ARNT2: variants seen among roughly 807,000 people sequenced by gnomAD.
The protein encoded by ARNT2 is aryl hydrocarbon receptor nuclear translocator 2, also known as ARNT protein 2.
ARNT2 carries 36 observed loss-of-function variants against 91.7 expected under a neutral mutation model. That is an observed-to-expected ratio of 0.39 (90% CI 0.30 to 0.52). The LOEUF is 0.52. Ranked by LOEUF, ARNT2 falls within the 20% of genes least tolerant of loss-of-function variation. The probability of loss-of-function intolerance (pLI) is 0.72; values close to 1 mark genes in which losing one functional copy is unlikely to be tolerated. For missense variants in ARNT2, 775 were observed against 939.3 expected (o/e 0.83, Z 2.29); for synonymous variants, 365 against 347.1 (o/e 1.05, Z -0.57).
chr15:80,540,889 G>C (rs1439049752), intron 8 of ARNT2, among the ~76,000 whole-genome samples: 1 of 151,942 alleles, frequency 6.6e-6, no homozygotes, highest in African/African-American at 2.4e-5. Flanking sequence ...TCTTTATCTG[G>C]TCCACTCTAG....
intron 12 of ARNT2, among the ~76,000 whole-genome samples, chr15:80,565,079 C>A (rs953751557): frequency 6.6e-6 from 1 of 152,082 alleles, no homozygotes; most frequent in Non-Finnish European, 1.5e-5. Flanking sequence ...CACACCACCA[C>A]GCCTGGCTGA....
At position 80,597,475 on chromosome 15, in the gene ARNT2, A is replaced by G. The variant is rs1042301988; in HGVS notation, c.*3777A>G. 1.5e-5 allele frequency: 5 copies of G among 326,064 alleles called. No individual in the cohort carries two copies. Among genetic ancestry groups the G allele is most frequent in the Non-Finnish European group, 2.4e-5 (4 of 163,452 alleles). 20.2% of individuals were successfully genotyped at this position (326,064 alleles called of 1,614,324 possible). On this transcript the variant is annotated 3_prime_UTR_variant, in exon 19 of 19. Coordinates refer to ENST00000303329, the MANE Select transcript of ARNT2 (RefSeq NM_014862.4). ...GGAGCCATGAGCCACCTGGACATTC[A>G]CCTTTTCTTTGACCATCTGGAGTCT...
intron 1 of ARNT2, among the ~76,000 whole-genome samples, chr15:80,422,660 A>G (rs1178103855): frequency 6.6e-6 from 1 of 152,232 alleles, no homozygotes; most frequent in Non-Finnish European, 1.5e-5. Context: ...TGCTTCGGCT[A>G]TCAATAATAA....
chr15:80,528,113 G>A (rs374123366), intron 8 of ARNT2, among the ~76,000 whole-genome samples: 92 of 152,324 alleles, frequency 6.0e-4, no homozygotes, highest in African/African-American at 2.1e-3. Context: ...GGCAGCAGCC[G>A]TGCACATGGG....
chr15:80,480,572 G>C (rs1051637463), intron 5 of ARNT2, among the ~76,000 whole-genome samples: 1 of 152,148 alleles, frequency 6.6e-6, no homozygotes, highest in Non-Finnish European at 1.5e-5. Context: ...AGACAAGGTC[G>C]ATTTGGCCTG....
At chr15:80,577,471 G>A (rs1488963694) in intron 15 of ARNT2, among the ~76,000 whole-genome samples, 1 of 152,256 alleles carries the variant, frequency 6.6e-6, no homozygotes, top group Non-Finnish European at 1.5e-5. Context: ...GGTCACTGAG[G>A]AAGCCCTGAC....
At chr15:80,444,971 T>G (rs970297877) in intron 1 of ARNT2, 4 of 150,180 alleles carry the variant, frequency 2.7e-5, no homozygotes, top group African/African-American at 9.9e-5. Context: ...TGTGTGTGAA[T>G]GGTGTGTGTC....
At chr15:80,478,664 G>A (rs550598593) in intron 5 of ARNT2, among the ~76,000 whole-genome samples, 10 of 152,294 alleles carry the variant, frequency 6.6e-5, no homozygotes, top group South Asian at 6.2e-4. Context: ...GGTGTGATGC[G>A]ACTTTCCTAG....
rs1898103715 is a variant in ARNT2, at chr15:80,552,709, A to G, written c.1024A>G (p.Asn342Asp). 1 of 1,614,162 alleles carries G rather than the reference A, an allele frequency of 6.2e-7. No homozygotes were observed. Residue 342 changes from asparagine to aspartate, a missense_variant, in exon 10 of 19, where the codon AAC (asparagine) becomes GAC (aspartate). Asn to Asp is a conservative substitution (Grantham distance 23). Around this residue, in one of 5 missense-constraint regions of ARNT2, gnomAD observed 285 missense variants for 327.2 expected, o/e 0.87. Coordinates refer to ENST00000303329, the MANE Select transcript of ARNT2 (RefSeq NM_014862.4). ...SVPTEFLSRH[N>D]SDGIITFVDP... ...GCCCACAGAGTTCTTATCCCGGCAT[A>G]ACTCCGATGGAATCATCACATTTGT...
At chr15:80,466,374 G>C (rs961502697) in intron 3 of ARNT2, among the ~76,000 whole-genome samples, 1 of 152,232 alleles carries the variant, frequency 6.6e-6, no homozygotes, top group African/African-American at 2.4e-5. Flanking sequence ...CACAGCAGAG[G>C]TGTCTTTGAA....
intron 11 of ARNT2, among the ~76,000 whole-genome samples, chr15:80,562,433 TA>T (rs1394585267): frequency 6.6e-6 from 1 of 152,218 alleles, no homozygotes; most frequent in Non-Finnish European, 1.5e-5. Context: ...GTCTCAGTAT[TA>T]TCAGCTGTAA....
intron 3 of ARNT2, among the ~76,000 whole-genome samples, chr15:80,468,048 A>G (rs947351558): frequency 2.0e-5 from 3 of 151,668 alleles, no homozygotes; most frequent in Admixed American, 6.6e-5. Flanking sequence ...GGTTACCTCT[A>G]TCTACCCCCG....
intron 6 of ARNT2, among the ~76,000 whole-genome samples, chr15:80,511,772 C>T (rs369466603): frequency 5.9e-5 from 9 of 151,814 alleles, no homozygotes; most frequent in African/African-American, 1.9e-4. Flanking sequence ...GAAGAACCAG[C>T]AAAGGAGACT....
rs971762427 is a variant in ARNT2, at chr15:80,418,141, G to A, written c.31+13595G>A. Among the ~76,000 whole-genome samples the A allele has an allele frequency of 5.3e-5, 8 of 152,294 alleles. No individual in the cohort carries two copies. The East Asian group carries it at 1.5e-3, about 29-fold the overall frequency. ...AAAGGCATCTTACCAGCCCAGCAGT[G>A]AAAAGTTGGGGAGGAAAAACCAGAT... On this transcript the variant is annotated intron_variant, in intron 1 of 18. Transcript: ENST00000303329.
At chr15:80,534,918 G>A (rs1162740397) in intron 8 of ARNT2, among the ~76,000 whole-genome samples, 2 of 152,148 alleles carry the variant, frequency 1.3e-5, no homozygotes, top group Non-Finnish European at 2.9e-5. Context: ...CCCAGGTTCA[G>A]CCGTTCTCTA....
chr15:80,482,873 G>A (rs1896910611), intron 5 of ARNT2, among the ~76,000 whole-genome samples: 1 of 152,204 alleles, frequency 6.6e-6, no homozygotes, highest in Non-Finnish European at 1.5e-5. Flanking sequence ...AAGTCATCGT[G>A]ATGCATGTTA....
intron 15 of ARNT2, among the ~76,000 whole-genome samples, chr15:80,579,161 G>A (rs937700634): frequency 6.6e-6 from 1 of 152,228 alleles, no homozygotes; most frequent in South Asian, 2.1e-4. Context: ...CTACGCTGTA[G>A]CGGCCCTCAT....
At chr15:80,509,918 G>A (rs1277836394) in intron 6 of ARNT2, among the ~76,000 whole-genome samples, 3 of 152,182 alleles carry the variant, frequency 2.0e-5, no homozygotes, top group Non-Finnish European at 4.4e-5. Flanking sequence ...GTTAGGTCGT[G>A]TTGACTTTAC....
intron 8 of ARNT2, among the ~76,000 whole-genome samples, chr15:80,545,290 G>T (rs2141452159): frequency 6.6e-6 from 1 of 152,296 alleles, no homozygotes; most frequent in Non-Finnish European, 1.5e-5. Context: ...GAATCACCTG[G>T]TCCTCTTGAA....
Sources: allele counts gnomAD v4.1 joint callset (sites outside exome capture counted in the v4.1 genomes callset), GRCh38; gene constraint gnomAD v4.1.1; regional missense constraint gnomAD v4.1.1; transcripts MANE v1.5; gene names NCBI Gene and HGNC (gene_info 2026-07-23, HGNC 2026-07-21).